The following TMEM108 variants were observed in gnomAD, a reference collection of about 807,000 sequenced individuals.
The protein encoded by TMEM108 is transmembrane protein 108, also known as cancer/testis antigen 124.
In TMEM108, 12 loss-of-function variants were observed where a neutral mutation model predicts 35.1. The ratio of observed to expected loss-of-function variants is 0.34; its 90% CI spans 0.22 to 0.55. TMEM108 has a LOEUF of 0.55. Among genes scored for constraint, TMEM108 ranks in the 20% least tolerant of loss-of-function variants. TMEM108 has a pLI of 0.89. For missense variants in TMEM108, 680 were observed against 753.3 expected, an observed-to-expected ratio of 0.90 and a Z score of 1.14; for synonymous variants, 287 against 308.6, an observed-to-expected ratio of 0.93 and a Z score of 0.73.
At chr3:133,111,170 A>G (rs1336906553) in intron 2 of TMEM108, among the ~76,000 whole-genome samples, 1 of 152,202 alleles carries the variant, frequency 6.6e-6, no homozygotes, top group East Asian at 1.9e-4. Context: ...GTAGTGTAAA[A>G]GCCAGAGATT....
At chr3:133,190,291 C>T (rs1945479874) in intron 2 of TMEM108, among the ~76,000 whole-genome samples, 1 of 152,148 alleles carries the variant, frequency 6.6e-6, no homozygotes, top group Non-Finnish European at 1.5e-5. Context: ...TTTAATATGG[C>T]AATCCTGATT....
intron 2 of TMEM108, among the ~76,000 whole-genome samples, chr3:133,163,125 A>G (rs971353911): frequency 6.6e-6 from 1 of 152,150 alleles, no homozygotes; most frequent in Non-Finnish European, 1.5e-5. Flanking sequence ...GCCATCTCCC[A>G]GAGAGTGCCA....
In TMEM108 at chr3:133,379,789, A is replaced by C. The variant is rs763999238; in HGVS notation, c.78A>C (p.Ala26=). Residue 26 remains alanine (A), a synonymous_variant, in exon 4 of 6, where the codon GCA becomes GCC. Transcript: ENST00000321871. ...LLILALTEAL[A]FAIQEPSPRE... ...TCTTGGCACTGACCGAAGCGCTGGC[A>C]TTTGCCATCCAGGAACCATCTCCCA... The C allele has an allele frequency of 6.2e-7, 1 of 1,613,824 alleles. No individual in the cohort carries two copies. Among genetic ancestry groups the C allele is most frequent in the South Asian group, 1.1e-5 (1 of 91,064 alleles).
At chr3:133,041,344 C>G (rs548970945) in intron 1 of TMEM108, among the ~76,000 whole-genome samples, 4 of 152,174 alleles carry the variant, frequency 2.6e-5, no homozygotes, top group African/African-American at 9.6e-5. Context: ...TCTAGGCTGC[C>G]GTTCCTTCAC....
At chr3:133,220,859 A>G (rs542498037) in intron 2 of TMEM108, among the ~76,000 whole-genome samples, 4 of 152,194 alleles carry the variant, frequency 2.6e-5, no homozygotes, top group Non-Finnish European at 4.4e-5. Context: ...TGGGACCACC[A>G]CTACCCTCTC....
chr3:133,081,195 A>G (rs1389079190), intron 2 of TMEM108, among the ~76,000 whole-genome samples: 2 of 152,150 alleles, frequency 1.3e-5, no homozygotes, highest in Non-Finnish European at 2.9e-5. Context: ...ACAAAATACC[A>G]TAGACTGGGC....
chr3:133,387,437 G>T (rs953085436), intron 4 of TMEM108: 5 of 985,354 alleles, frequency 5.1e-6, no homozygotes, highest in Non-Finnish European at 6.0e-6. Flanking sequence ...CATGTGAGGG[G>T]AAGACAGCGT....
rs564152305 is a variant in TMEM108 at position 133,253,019 on chromosome 3, A to G, written c.40+23668A>G. Among the ~76,000 whole-genome samples the G allele has an allele frequency of 1.5e-4, 23 of 152,350 alleles. 1 individual carries two copies. The South Asian group carries it at 4.3e-3, about 29-fold the overall frequency. ...ACTGTATTATGTGTTATAAGTAATCAAGAAACTATTTGAAGTATACAAGAG... is the reference window on the plus strand; with the variant it reads ...ACTGTATTATGTGTTATAAGTAATCGAGAAACTATTTGAAGTATACAAGAG... On this transcript the variant is annotated intron_variant, in intron 3 of 5. Transcript: ENST00000321871.
At chr3:133,172,550 T>C (rs996326132) in intron 2 of TMEM108, among the ~76,000 whole-genome samples, 18 of 152,236 alleles carry the variant, frequency 1.2e-4, no homozygotes, top group African/African-American at 4.1e-4. Flanking sequence ...TGCATGGTGC[T>C]TTTGGGCAGG....
intron 3 of TMEM108, among the ~76,000 whole-genome samples, chr3:133,375,613 A>T (rs545640706): frequency 9.8e-5 from 15 of 152,334 alleles, no homozygotes; most frequent in Admixed American, 3.9e-4. Flanking sequence ...TCAGATGTTT[A>T]TTGTGACAGT....
intron 2 of TMEM108, among the ~76,000 whole-genome samples, chr3:133,143,521 AAG>A (rs1457500288): frequency 6.6e-6 from 1 of 152,172 alleles, no homozygotes; most frequent in Non-Finnish European, 1.5e-5. Context: ...TATGAAGCAT[AAG>A]AGTTTGCATT....
intron 2 of TMEM108, among the ~76,000 whole-genome samples, chr3:133,149,117 G>T (rs1056011236): frequency 3.3e-5 from 5 of 152,174 alleles, no homozygotes; most frequent in African/African-American, 1.2e-4. Flanking sequence ...CTCCATAAAA[G>T]AATGACCAAT....
chr3:133,324,196 T>C (rs2071301715), intron 3 of TMEM108, among the ~76,000 whole-genome samples: 1 of 152,048 alleles, frequency 6.6e-6, no homozygotes, highest in Non-Finnish European at 1.5e-5. Flanking sequence ...CTAAAAACCT[T>C]CTGTACAGCA....
intron 3 of TMEM108, among the ~76,000 whole-genome samples, chr3:133,359,859 CAT>C (rs1410934898): frequency 2.0e-5 from 3 of 152,044 alleles, no homozygotes; most frequent in Non-Finnish European, 4.4e-5. Flanking sequence ...TAAATGAAAA[CAT>C]GTGTCCTCAC....
At chr3:133,148,661 GT>G (rs1209801090) in intron 2 of TMEM108, among the ~76,000 whole-genome samples, 1 of 152,050 alleles carries the variant, frequency 6.6e-6, no homozygotes, top group Non-Finnish European at 1.5e-5. Context: ...ATTCAAGAGA[GT>G]CTCTCAGCTT....
intron 2 of TMEM108, among the ~76,000 whole-genome samples, chr3:133,196,691 G>C (rs1945582887): frequency 6.6e-6 from 1 of 152,186 alleles, no homozygotes; most frequent in South Asian, 2.1e-4. Flanking sequence ...CAAGTAACAA[G>C]AAGTGAATAG....
chr3:133,228,708 T>C (rs192725857), intron 2 of TMEM108, among the ~76,000 whole-genome samples: 6 of 152,294 alleles, frequency 3.9e-5, no homozygotes, highest in Admixed American at 3.9e-4. Flanking sequence ...TAATCACCTC[T>C]TATTTGTGGG....
chr3:133,369,838 C>T (rs1053981663), intron 3 of TMEM108, among the ~76,000 whole-genome samples: 2 of 152,298 alleles, frequency 1.3e-5, no homozygotes, highest in South Asian at 2.1e-4. Context: ...GATCTCACAC[C>T]AGGGTGCTGG....
chr3:133,386,543 T>C, intron 4 of TMEM108: 1 of 1,520,030 alleles, frequency 6.6e-7, no homozygotes. Context: ...CATGGATGAC[T>C]CCCCAGTGAC....
Sources: allele counts gnomAD v4.1 joint callset (sites outside exome capture counted in the v4.1 genomes callset), GRCh38; gene constraint gnomAD v4.1.1; transcripts MANE v1.5; gene names NCBI Gene and HGNC (gene_info 2026-07-23, HGNC 2026-07-21).